Variants in NRG2 observed in about 807,000 individuals in gnomAD.
The protein encoded by NRG2 is neuregulin 2.
NRG2 carries 27 observed loss-of-function variants against 73.9 expected under a neutral mutation model. That is an observed-to-expected ratio of 0.37 (90% CI 0.27 to 0.50). The LOEUF (loss-of-function observed/expected upper bound fraction) is 0.50, where lower values mean the gene tolerates loss of function less well. Ranked by LOEUF, NRG2 falls within the 20% of genes least tolerant of loss-of-function variation. The probability of loss-of-function intolerance (pLI) is 0.96; values close to 1 mark genes in which losing one functional copy is unlikely to be tolerated. For missense variants in NRG2, 1,126 were observed against 1,210.1 expected, an observed-to-expected ratio of 0.93 and a Z score of 1.03; for synonymous variants, 532 against 541.0, an observed-to-expected ratio of 0.98 and a Z score of 0.23.
At chr5:139,985,904 G>C (rs1013948972) in intron 1 of NRG2, among the ~76,000 whole-genome samples, 1 of 152,100 alleles carries the variant, frequency 6.6e-6, no homozygotes, top group African/African-American at 2.4e-5. Flanking sequence ...GAGGGGAAGT[G>C]ACTTTCACAG....
At chr5:139,886,445 G>A (rs371453759) in intron 2 of NRG2, among the ~76,000 whole-genome samples, 3 of 152,162 alleles carry the variant, frequency 2.0e-5, no homozygotes, top group African/African-American at 7.2e-5. Context: ...GTGGTGGGGC[G>A]GTGAGGAGGA....
chr5:140,035,092 T>G (rs1404604063), intron 1 of NRG2, among the ~76,000 whole-genome samples: 1 of 152,102 alleles, frequency 6.6e-6, no homozygotes, highest in Non-Finnish European at 1.5e-5. Context: ...CTAATCTACC[T>G]CTCCAGGCTC....
intron 1 of NRG2, among the ~76,000 whole-genome samples, chr5:139,927,193 A>T (rs1188458928): frequency 1.3e-5 from 2 of 152,178 alleles, no homozygotes; most frequent in African/African-American, 4.8e-5. Flanking sequence ...TAATACAAGG[A>T]TGTGGTACCT....
At position 139,887,637 on chromosome 5, in the gene NRG2, C is replaced by T; in HGVS notation, c.701-126G>A. ...GGAAGGGAAGGGTGATCCTGAGAGC[C>T]ACCCCTCCTAGTGTCATTTCCTAGT... is the stretch of plus-strand genomic sequence containing the variant. On this transcript the variant is annotated intron_variant, in intron 1 of 9. Coordinates refer to ENST00000361474, the MANE Select transcript of NRG2 (RefSeq NM_004883.3). This position sits in a 1 kb window ranked among gnomAD's most constrained non-coding sequence, Gnocchi z 4.5. 1.3e-6 allele frequency: 1 copy of T among 745,040 alleles called. No homozygotes were observed. The highest frequency in any genetic ancestry group is 2.7e-5 in the East Asian group (1 of 37,022). The allele number at this position is 745,040 out of a possible 1,614,324, so 46.2% of individuals were successfully genotyped here. A position where few individuals can be genotyped will look rare whatever the true frequency, so the allele number is the denominator to read the frequency against.
intron 1 of NRG2, among the ~76,000 whole-genome samples, chr5:139,984,561 T>C (rs1757028077): frequency 6.6e-6 from 1 of 152,228 alleles, no homozygotes; most frequent in African/African-American, 2.4e-5. Flanking sequence ...ATGGAGAGGT[T>C]GCAAATAATT....
Position 140,043,100 on chromosome 5 carries a change from T to C in NRG2, c.-31A>G, listed in dbSNP as rs1302482778. ...CAGGCCATTTGGGGGGCTCCGCCGC[T>C]CAGCCGCCGCCGCCTTGGGAGGGGA... On this transcript the variant is annotated 5_prime_UTR_variant, in exon 1 of 10. Transcript: ENST00000361474. This position sits in a 1 kb window ranked among gnomAD's most constrained non-coding sequence, Gnocchi z 6.7. 1.3e-6 allele frequency: 2 copies of C among 1,567,792 alleles called. No homozygotes were observed. The highest frequency in any genetic ancestry group is 2.3e-5 in the South Asian group (2 of 88,272).
intron 1 of NRG2, among the ~76,000 whole-genome samples, chr5:140,003,530 T>C (rs765894055): frequency 7.2e-5 from 11 of 151,936 alleles, no homozygotes; most frequent in African/African-American, 1.7e-4. Context: ...CCTCTAAGAG[T>C]TGGAAAAGGC....
chr5:139,945,391 G>A (rs1274359287), intron 1 of NRG2, among the ~76,000 whole-genome samples: 1 of 151,928 alleles, frequency 6.6e-6, no homozygotes, highest in Admixed American at 6.6e-5. Flanking sequence ...TTACATTTAG[G>A]TCTTTATTGA....
chr5:139,866,703 A>C (rs1354995113), intron 4 of NRG2, among the ~76,000 whole-genome samples: 2 of 152,052 alleles, frequency 1.3e-5, no homozygotes, highest in Non-Finnish European at 2.9e-5. Flanking sequence ...TCATTCTCTG[A>C]TCTTGCCTTG....
At chr5:139,908,643 C>T (rs921512418) in intron 1 of NRG2, among the ~76,000 whole-genome samples, 1 of 152,184 alleles carries the variant, frequency 6.6e-6, no homozygotes, top group African/African-American at 2.4e-5. Flanking sequence ...AGTTGGGTAT[C>T]CAGAGCTCAC....
At chr5:139,864,837 A>C (rs1169404067) in intron 5 of NRG2, among the ~76,000 whole-genome samples, 2 of 152,084 alleles carry the variant, frequency 1.3e-5, no homozygotes, top group Non-Finnish European at 2.9e-5. Flanking sequence ...AGGGCTCTGC[A>C]AATGCTTCCT....
At chr5:140,038,515 T>C (rs926810788) in intron 1 of NRG2, among the ~76,000 whole-genome samples, 3 of 152,232 alleles carry the variant, frequency 2.0e-5, no homozygotes, top group Admixed American at 1.3e-4. Flanking sequence ...TAGCGACAGG[T>C]AAAGGCTATC....
rs187755670 is a variant in NRG2, at chr5:140,036,023, C to T, written c.700+6347G>A. ...ATGAAATGTTAACCACCAGTCCTGC[C>T]CCACACTCAGGAGGCTAGCAGCACA... is the stretch of plus-strand genomic sequence containing the variant. On this transcript the variant is annotated intron_variant, in intron 1 of 9. Transcript: ENST00000361474. Among the ~76,000 whole-genome samples, 11 of 152,266 alleles carry T rather than the reference C, an allele frequency of 7.2e-5. No homozygotes were observed. The East Asian group carries it at 2.1e-3, about 29-fold the overall frequency.
intron 1 of NRG2, among the ~76,000 whole-genome samples, chr5:139,899,393 A>ATT (rs1221690834): frequency 6.6e-6 from 1 of 152,244 alleles, no homozygotes; most frequent in Non-Finnish European, 1.5e-5. Context: ...GGTGCTTTAA[A>ATT]TCAGGTTCCC....
chr5:140,032,244 G>A (rs534298954), intron 1 of NRG2, among the ~76,000 whole-genome samples: 4 of 152,276 alleles, frequency 2.6e-5, no homozygotes, highest in South Asian at 4.1e-4. Context: ...AAAAGCTCAG[G>A]TGGCAAGTGA....
chr5:139,982,394 G>C (rs185138057), intron 1 of NRG2, among the ~76,000 whole-genome samples: 10 of 152,004 alleles, frequency 6.6e-5, no homozygotes, highest in African/African-American at 1.9e-4. Context: ...CGCCAGGACT[G>C]TGTCCTGGCC....
Position 139,848,648 on chromosome 5 carries a change from G to A in NRG2, c.1822C>T (p.His608Tyr), listed in dbSNP as rs1024548838. 8.9e-6 allele frequency: 14 copies of A among 1,573,968 alleles called. No homozygotes were observed. The highest frequency in any genetic ancestry group is 3.5e-5 in the Admixed American group (2 of 57,946). The change falls in exon 10 of 10, where the codon CAC (histidine) becomes TAC (tyrosine). Residue 608 changes from histidine (H) to tyrosine (Y), a missense_variant. Coordinates refer to ENST00000361474, the MANE Select transcript of NRG2 (RefSeq NM_004883.3). ...TPARLSPVDF[H>Y]YSLATQVPTF... ...GGCACCTGCGTGGCCAGCGAGTAGTGGAAGTCCACGGGCGAGAGGCGCGCG... is the reference window on the plus strand; with the variant it reads ...GGCACCTGCGTGGCCAGCGAGTAGTAGAAGTCCACGGGCGAGAGGCGCGCG...
chr5:139,987,324 C>T (rs1354625606), intron 1 of NRG2, among the ~76,000 whole-genome samples: 3 of 145,774 alleles, frequency 2.1e-5, no homozygotes, highest in South Asian at 2.2e-4. Context: ...GCTGAGATCG[C>T]GCCACTGCGC....
At chr5:139,990,233 T>C (rs1242793453) in intron 1 of NRG2, among the ~76,000 whole-genome samples, 2 of 152,170 alleles carry the variant, frequency 1.3e-5, no homozygotes, top group African/African-American at 2.4e-5. Flanking sequence ...AAACTTTAAT[T>C]GTTTGCCAAA....
Sources: allele counts gnomAD v4.1 joint callset (sites outside exome capture counted in the v4.1 genomes callset), GRCh38; gene constraint gnomAD v4.1.1; non-coding constraint Gnocchi (gnomAD v3.1); transcripts MANE v1.5; gene names NCBI Gene and HGNC (gene_info 2026-07-23, HGNC 2026-07-21).